The following CDC42BPA variants were observed in gnomAD, a reference collection of about 807,000 sequenced individuals.
CDC42BPA encodes the protein serine/threonine-protein kinase MRCK alpha.
Under a neutral mutation model 223.5 loss-of-function variants are expected in CDC42BPA, and 80 were observed. The observed-to-expected ratio is 0.36, with a 90% confidence interval of 0.30 to 0.43. The LOEUF is 0.43. Ranked by LOEUF, CDC42BPA falls within the 20% of genes least tolerant of loss-of-function variation. CDC42BPA has a pLI of 1.00. For synonymous variants in CDC42BPA, 694 were observed against 718.6 expected (o/e 0.97, Z 0.55); for missense variants, 1,743 against 2,099.9 (o/e 0.83, Z 3.32).
At position 227,030,458 on chromosome 1, in the gene CDC42BPA, A is replaced by G; in HGVS notation, c.3788T>C (p.Ile1263Thr). 6.3e-7 allele frequency: 1 copy of G among 1,599,892 alleles called. No individual in the cohort carries two copies. Among genetic ancestry groups the G allele is most frequent in the Non-Finnish European group, 8.5e-7 (1 of 1,172,210 alleles). The stretch of plus-strand genomic sequence containing the variant: ...TAACCCTTCTTCGTTTCCCAAAGCA[A>G]TTCTTTCATGATCTATGTAAGACAT... ...QAAAIIDHER[I>T]ALGNEEGLFV... The change falls in exon 29 of 37, where the codon ATT becomes ACT. Residue 1263 changes from isoleucine (I) to threonine (T), a missense_variant. Around this residue, in one of 6 missense-constraint regions of CDC42BPA, gnomAD observed 678 missense variants for 777.5 expected, o/e 0.87. Transcript: ENST00000366766.
chr1:227,224,361 G>A (rs1354186814), intron 2 of CDC42BPA, among the ~76,000 whole-genome samples: 2 of 151,974 alleles, frequency 1.3e-5, no homozygotes, highest in South Asian at 2.1e-4. Context: ...AGCCTCCCAA[G>A]TAGCTGGGAT....
At chr1:227,195,697 A>ACAT (rs1015371786) in intron 4 of CDC42BPA, among the ~76,000 whole-genome samples, 1 of 26,856 alleles carries the variant, frequency 3.7e-5, no homozygotes, top group African/African-American at 2.3e-4. Context: ...ACCTATTCCT[A>ACAT]TATTATTATA....
intron 1 of CDC42BPA, among the ~76,000 whole-genome samples, chr1:227,264,438 T>TC (rs1428618149): frequency 6.6e-6 from 1 of 151,202 alleles, no homozygotes; most frequent in African/African-American, 2.5e-5. Flanking sequence ...GATTTGTCAT[T>TC]CCCCAACTCC....
intron 16 of CDC42BPA, among the ~76,000 whole-genome samples, chr1:227,083,958 G>T (rs922625796): frequency 3.3e-5 from 5 of 152,164 alleles, no homozygotes; most frequent in Admixed American, 3.3e-4. Context: ...AGATTCTGAG[G>T]TTTTTCTGCT....
chr1:227,175,931 C>T (rs1365988476), intron 5 of CDC42BPA, among the ~76,000 whole-genome samples: 1 of 152,138 alleles, frequency 6.6e-6, no homozygotes, highest in Non-Finnish European at 1.5e-5. Context: ...TAGTTATTTT[C>T]ACCACACAGA....
chr1:227,117,971 C>A (rs1255945112), intron 12 of CDC42BPA, among the ~76,000 whole-genome samples: 2 of 149,640 alleles, frequency 1.3e-5, no homozygotes, highest in South Asian at 2.3e-4. Flanking sequence ...TATTAAGAAG[C>A]ATTTCACAAA....
chr1:227,168,210 C>T (rs550297772), intron 5 of CDC42BPA, among the ~76,000 whole-genome samples: 1 of 152,172 alleles, frequency 6.6e-6, no homozygotes, highest in Non-Finnish European at 1.5e-5. Flanking sequence ...TAGGCATGAG[C>T]CATCACCCCT....
Position 226,994,451 on chromosome 1 carries a change from C to A in CDC42BPA, c.5134-52G>T, listed in dbSNP as rs528871227. 14 of 1,457,008 alleles carry A rather than the reference C, an allele frequency of 9.6e-6. No individual in the cohort carries two copies. Among genetic ancestry groups the A allele is most frequent in the South Asian group, 1.4e-5 (1 of 69,046 alleles). 90.3% of individuals were successfully genotyped at this position (1,457,008 alleles called of 1,614,324 possible). A position where few individuals can be genotyped will look rare whatever the true frequency, so the allele number is the denominator to read the frequency against. On this transcript the variant is annotated intron_variant, in intron 36 of 36. Coordinates refer to ENST00000366766, the MANE Select transcript of CDC42BPA (RefSeq NM_001394014.1). This position sits in a 1 kb window ranked among gnomAD's most constrained non-coding sequence, Gnocchi z 4.0. The stretch of plus-strand genomic sequence containing the variant: ...TGAGAAGGAGGGGGAGAAAGGGAGG[C>A]AGAAGGGGCTCAGATTACCACCGCC...
intron 5 of CDC42BPA, among the ~76,000 whole-genome samples, chr1:227,185,118 A>G (rs774924228): frequency 2.0e-5 from 3 of 151,954 alleles, no homozygotes; most frequent in Non-Finnish European, 4.4e-5. Context: ...CACTTTAATT[A>G]GCATCTTTGG....
chr1:227,038,289 C>T (rs1670711192), intron 24 of CDC42BPA, among the ~76,000 whole-genome samples: 1 of 152,142 alleles, frequency 6.6e-6, no homozygotes, highest in South Asian at 2.1e-4. Flanking sequence ...ATTGTGAGGC[C>T]TCCCCAGTCA....
chr1:227,114,879 T>C (rs546465311), intron 12 of CDC42BPA, among the ~76,000 whole-genome samples: 3 of 151,226 alleles, frequency 2.0e-5, no homozygotes, highest in African/African-American at 7.3e-5. Flanking sequence ...TTTAAATTGT[T>C]TGTGGGAAAT....
chr1:227,217,106 T>C (rs1674991682), intron 2 of CDC42BPA, among the ~76,000 whole-genome samples: 2 of 152,172 alleles, frequency 1.3e-5, no homozygotes, highest in African/African-American at 4.8e-5. Flanking sequence ...ATAAATCTAG[T>C]CTTCCTGCAT....
intron 5 of CDC42BPA, among the ~76,000 whole-genome samples, chr1:227,186,246 T>A (rs565377247): frequency 1.3e-5 from 2 of 152,176 alleles, no homozygotes; most frequent in East Asian, 1.9e-4. Flanking sequence ...CAGGTCCTCA[T>A]AGTGAATACC....
chr1:227,138,150 C>T (rs1389692234), intron 10 of CDC42BPA, among the ~76,000 whole-genome samples: 1 of 152,052 alleles, frequency 6.6e-6, no homozygotes, highest in African/African-American at 2.4e-5. Flanking sequence ...TTTTTCTCTA[C>T]TGGGCCTCTA....
intron 11 of CDC42BPA, among the ~76,000 whole-genome samples, chr1:227,122,811 G>A (rs1293205216): frequency 6.6e-6 from 1 of 152,080 alleles, no homozygotes; most frequent in Non-Finnish European, 1.5e-5. Context: ...CCCATATCAC[G>A]AAAAATCCAG....
At chr1:227,208,713 A>T (rs922247803) in intron 3 of CDC42BPA, among the ~76,000 whole-genome samples, 1 of 151,584 alleles carries the variant, frequency 6.6e-6, no homozygotes, top group African/African-American at 2.4e-5. Flanking sequence ...CCACTGATCT[A>T]TATCTCTGTT....
At chr1:227,242,563 G>T (rs1055990565) in intron 2 of CDC42BPA, among the ~76,000 whole-genome samples, 9 of 151,932 alleles carry the variant, frequency 5.9e-5, no homozygotes, top group African/African-American at 9.7e-5. Context: ...TTAAATAAAA[G>T]ATTAATATTT....
At chr1:227,159,601 A>G (rs1663474769) in intron 6 of CDC42BPA, among the ~76,000 whole-genome samples, 1 of 152,022 alleles carries the variant, frequency 6.6e-6, no homozygotes. Flanking sequence ...TGTCAATTAA[A>G]CTGATATATT....
In CDC42BPA at chr1:227,168,497, G is replaced by GTGTTTTTTTTTTTTTTTT. The variant is rs1302291274; in HGVS notation, c.600-7862_600-7861insAAAAAAAAAAAAAAAACA. On this transcript the variant is annotated intron_variant, in intron 5 of 36. Transcript: ENST00000366766. The stretch of plus-strand genomic sequence containing the variant: ...CTTTTTCATATTTATCTTCCCTGGT[G>GTGTTTTTTTTTTTTTTTT]TTTTTTTTTTTTTTTTGAGGCAGAG... Among the ~76,000 whole-genome samples the GTGTTTTTTTTTTTTTTTT allele has an allele frequency of 2.1e-4, 17 of 80,212 alleles. 2 individuals carry two copies. The highest frequency in any genetic ancestry group is 2.5e-4 in the African/African-American group (5 of 20,208). 52.6% of individuals were successfully genotyped at this position (80,212 alleles called of 152,430 possible). A position where few individuals can be genotyped will look rare whatever the true frequency, so the allele number is the denominator to read the frequency against.
Sources: allele counts gnomAD v4.1 joint callset (sites outside exome capture counted in the v4.1 genomes callset), GRCh38; gene constraint gnomAD v4.1.1; regional missense constraint gnomAD v4.1.1; non-coding constraint Gnocchi (gnomAD v3.1); transcripts MANE v1.5; gene names NCBI Gene and HGNC (gene_info 2026-07-23, HGNC 2026-07-21).